The following POU6F2 variants were observed in gnomAD, a reference collection of about 807,000 sequenced individuals.
POU6F2 encodes the protein POU domain, class 6, transcription factor 2.
POU6F2 carries 31 observed loss-of-function variants against 71.3 expected under a neutral mutation model. That is an observed-to-expected ratio of 0.43 (90% CI 0.33 to 0.59). The LOEUF (loss-of-function observed/expected upper bound fraction) is 0.59. Among genes scored for constraint, POU6F2 ranks in the 20% least tolerant of loss-of-function variants. The probability of loss-of-function intolerance (pLI) is 0.04; values close to 1 mark genes in which losing one functional copy is unlikely to be tolerated. For synonymous variants in POU6F2, 347 were observed against 355.7 expected (o/e 0.98, Z 0.27); for missense variants, 783 against 856.8 (o/e 0.91, Z 1.07).
intron 8 of POU6F2, among the ~76,000 whole-genome samples, chr7:39,454,683 T>G (rs1311552410): frequency 0.076 from 1,139 of 14,956 alleles, 141 homozygotes; most frequent in East Asian, 0.13. Flanking sequence ...TATATATATA[T>G]ATATATATAT....
chr7:39,421,002 A>G (rs1158140211), intron 6 of POU6F2, among the ~76,000 whole-genome samples: 1 of 152,168 alleles, frequency 6.6e-6, no homozygotes, highest in Non-Finnish European at 1.5e-5. Flanking sequence ...TTTCTGAGGG[A>G]CATTTAAAGT....
intron 5 of POU6F2, among the ~76,000 whole-genome samples, chr7:39,385,965 A>G (rs1786930904): frequency 6.6e-6 from 1 of 151,940 alleles, no homozygotes; most frequent in Non-Finnish European, 1.5e-5. Flanking sequence ...AAAAATACAA[A>G]TAATTAGCCA....
At chr7:39,251,670 G>A (rs1312515903) in intron 4 of POU6F2, among the ~76,000 whole-genome samples, 2 of 152,190 alleles carry the variant, frequency 1.3e-5, no homozygotes, top group African/African-American at 4.8e-5. Flanking sequence ...CTGAGCTCCT[G>A]TTTCTGAGAC....
intron 2 of POU6F2, among the ~76,000 whole-genome samples, chr7:39,131,010 C>G (rs1305958253): frequency 2.0e-5 from 3 of 152,154 alleles, no homozygotes; most frequent in Non-Finnish European, 4.4e-5. Flanking sequence ...TTCCTTGTTA[C>G]CAGTGGGAGG....
intron 2 of POU6F2, among the ~76,000 whole-genome samples, chr7:39,137,735 A>C (rs562273380): frequency 6.6e-6 from 1 of 152,276 alleles, no homozygotes; most frequent in African/African-American, 2.4e-5. Context: ...CCCCAATAGC[A>C]TTACTCTTTA....
At chr7:39,046,260 C>T (rs768849213) in intron 1 of POU6F2, among the ~76,000 whole-genome samples, 24 of 151,602 alleles carry the variant, frequency 1.6e-4, no homozygotes, top group Non-Finnish European at 2.4e-4. Flanking sequence ...TCTCATTTGG[C>T]GAAAGTATAT....
At chr7:39,364,380 C>T (rs1175609670) in intron 5 of POU6F2, among the ~76,000 whole-genome samples, 3 of 151,876 alleles carry the variant, frequency 2.0e-5, no homozygotes, top group Non-Finnish European at 4.4e-5. Flanking sequence ...GCAGTATACA[C>T]TGCACCCAAT....
chr7:39,233,260 G>A (rs964664353), intron 4 of POU6F2, among the ~76,000 whole-genome samples: 7 of 150,048 alleles, frequency 4.7e-5, no homozygotes, highest in Admixed American at 1.3e-4. Flanking sequence ...ATAGAATATT[G>A]TAAAATAAGA....
Position 39,388,023 on chromosome 7 carries a change from AT to A in POU6F2, c.973-18575del, listed in dbSNP as rs539476135. ...CACCAGCATCAGTTATTTCTAGGAA[AT>A]TATAAATCCTCAGGTTATGACCTTT... On this transcript the variant is annotated intron_variant, in intron 5 of 9. Transcript: ENST00000518318. Among the ~76,000 whole-genome samples the A allele has an allele frequency of 3.1e-3, 472 of 152,370 alleles. 3 individuals carry two copies. Among genetic ancestry groups the A allele is most frequent in the African/African-American group, 0.011 (456 of 41,576 alleles).
At chr7:39,031,174 C>T (rs1789934581) in intron 1 of POU6F2, among the ~76,000 whole-genome samples, 1 of 152,080 alleles carries the variant, frequency 6.6e-6, no homozygotes, top group Admixed American at 6.5e-5. Flanking sequence ...GCTGGGATTA[C>T]AGGCGTGAGC....
rs1488209518 is a variant in POU6F2, at chr7:39,339,808, G to A, written c.765G>A (p.Gln255=). Residue 255 remains glutamine (Q), a synonymous_variant, in exon 5 of 10, where the codon CAG becomes CAA. Coordinates refer to ENST00000518318, the MANE Select transcript of POU6F2 (RefSeq NM_001370959.1). ...QQQPLQPTPP[Q]QPPPASQQPP... ...AGCCGCTGCAGCCCACCCCACCCCA[G>A]CAGCCACCACCCGCCTCTCAGCAGC... The A allele has an allele frequency of 6.4e-7, 1 of 1,560,886 alleles. No individual in the cohort carries two copies. Among genetic ancestry groups the A allele is most frequent in the Non-Finnish European group, 8.7e-7 (1 of 1,154,200 alleles).
intron 5 of POU6F2, among the ~76,000 whole-genome samples, chr7:39,376,526 C>T (rs904649363): frequency 1.3e-5 from 2 of 152,090 alleles, no homozygotes; most frequent in African/African-American, 4.8e-5. Flanking sequence ...GAAAAAGACT[C>T]GGTCCAGTCT....
rs550229286 is a variant in POU6F2, at chr7:39,447,861, G to A, written c.1321-3672G>A. On this transcript the variant is annotated intron_variant, in intron 7 of 9. Coordinates refer to ENST00000518318, the MANE Select transcript of POU6F2 (RefSeq NM_001370959.1). The stretch of plus-strand genomic sequence containing the variant: ...TTTTGCCAATAGTTATGCAATACAA[G>A]TATATGTGATTTTTACAGTTAAGTC... Among the ~76,000 whole-genome samples, 640 of 152,210 alleles carry A rather than the reference G, an allele frequency of 4.2e-3. 4 individuals carry two copies. Among genetic ancestry groups the A allele is most frequent in the African/African-American group, 0.014 (587 of 41,536 alleles).
At chr7:39,282,008 AT>A (rs1784572091) in intron 4 of POU6F2, among the ~76,000 whole-genome samples, 1 of 151,994 alleles carries the variant, frequency 6.6e-6, no homozygotes, top group African/African-American at 2.4e-5. Flanking sequence ...GTGGTATCTC[AT>A]TTTGGTTTTG....
chr7:39,405,520 A>T (rs1787404022), intron 5 of POU6F2, among the ~76,000 whole-genome samples: 1 of 152,204 alleles, frequency 6.6e-6, no homozygotes, highest in Non-Finnish European at 1.5e-5. Context: ...GGTGATGGAA[A>T]ATGCATTATT....
rs534377588 is a variant in POU6F2, at chr7:39,007,501, A to C, written c.105+29443A>C. Among the ~76,000 whole-genome samples, 3 of 152,280 alleles carry C rather than the reference A, an allele frequency of 2.0e-5. No individual in the cohort carries two copies. The East Asian group carries it at 5.8e-4, about 29-fold the overall frequency. On this transcript the variant is annotated intron_variant, in intron 1 of 9. Transcript: ENST00000518318. ...AACAGAATTTATCTCCAGTTTTCTA[A>C]TTGCTTCTTTTAAATTAGATATGTA...
intron 1 of POU6F2, among the ~76,000 whole-genome samples, chr7:39,079,528 C>T (rs1791072785): frequency 6.6e-6 from 1 of 151,988 alleles, no homozygotes; most frequent in South Asian, 2.1e-4. Context: ...GGTATGGGAA[C>T]CAAGATGGAA....
intron 1 of POU6F2, among the ~76,000 whole-genome samples, chr7:39,025,565 G>T (rs1177677047): frequency 1.3e-5 from 2 of 151,984 alleles, no homozygotes; most frequent in Admixed American, 6.6e-5. Context: ...GCTGAAACTG[G>T]ATCCCTTCCT....
At chr7:39,103,561 G>A (rs1791618649) in intron 2 of POU6F2, among the ~76,000 whole-genome samples, 1 of 152,164 alleles carries the variant, frequency 6.6e-6, no homozygotes, top group Non-Finnish European at 1.5e-5. Flanking sequence ...AATGTCCACT[G>A]GTTTCTACCA....
Sources: allele counts gnomAD v4.1 joint callset (sites outside exome capture counted in the v4.1 genomes callset), GRCh38; gene constraint gnomAD v4.1.1; transcripts MANE v1.5; gene names NCBI Gene and HGNC (gene_info 2026-07-23, HGNC 2026-07-21).